The following NXPE2 variants were observed in gnomAD, a reference collection of about 807,000 sequenced individuals.
NXPE2 encodes NXPE family member 2.
A neutral mutation model predicts 34.4 loss-of-function variants in NXPE2; 34 were observed. The observed-to-expected ratio is 0.99, with a 90% CI of 0.75 to 1.31. The LOEUF is 1.31. NXPE2 is among the 40% of genes most tolerant of loss of function. The probability of loss-of-function intolerance (pLI) is 0.00; values close to 1 mark genes in which losing one functional copy is unlikely to be tolerated. For missense variants in NXPE2, 649 were observed against 672.5 expected (o/e 0.97, Z 0.39); for synonymous variants, 235 against 231.3 (o/e 1.02, Z -0.15).
At chr11:114,530,063 C>T in the NXPE2 span, 3 of 1,144,932 alleles carry the variant, frequency 2.6e-6, no homozygotes, top group East Asian at 7.1e-5. Context: ...ACATGTCTTA[C>T]CTTGAGTACA....
At chr11:114,666,934 T>G in the NXPE2 span, among the ~76,000 whole-genome samples, 2 of 152,156 alleles carry the variant, frequency 1.3e-5, no homozygotes, top group Non-Finnish European at 2.9e-5. Context: ...AAAACACCCC[T>G]GCACACATCC....
the NXPE2 span, among the ~76,000 whole-genome samples, chr11:114,478,296 T>C: frequency 6.6e-6 from 1 of 152,188 alleles, no homozygotes; most frequent in African/African-American, 2.4e-5. Flanking sequence ...GGGCACTCTC[T>C]TCCTTGATGT....
the NXPE2 span, chr11:114,559,729 C>T: frequency 6.6e-6 from 1 of 152,178 alleles, no homozygotes; most frequent in Non-Finnish European, 1.5e-5. Context: ...TTGTTCTTCC[C>T]TGCCCTCCAC....
chr11:114,582,376 G>A, the NXPE2 span: 18 of 1,614,132 alleles, frequency 1.1e-5, no homozygotes, highest in South Asian at 1.3e-4. Context: ...CAGGGCATGT[G>A]TTGAGGCCTC....
chr11:114,464,361 T>C, the NXPE2 span, among the ~76,000 whole-genome samples: 1 of 152,172 alleles, frequency 6.6e-6, no homozygotes, highest in Non-Finnish European at 1.5e-5. Context: ...TTTGGCAAGT[T>C]AGTTGAATAT....
chr11:114,523,172 G>A, the NXPE2 span: 1 of 1,010,262 alleles, frequency 9.9e-7, no homozygotes, highest in Non-Finnish European at 1.5e-6. Context: ...TCATTTTCTT[G>A]CTCTCTTTCC....
the NXPE2 span, among the ~76,000 whole-genome samples, chr11:114,666,411 T>C: frequency 6.6e-6 from 1 of 152,130 alleles, no homozygotes; most frequent in Non-Finnish European, 1.5e-5. Context: ...GGGAAATTGA[T>C]TAAAAAATCA....
chr11:114,665,905 C>A, the NXPE2 span, among the ~76,000 whole-genome samples: 3 of 152,148 alleles, frequency 2.0e-5, no homozygotes, highest in African/African-American at 7.2e-5. Context: ...AAATAGTTGT[C>A]TCCATGACAA....
chr11:114,589,107 A>G, the NXPE2 span, among the ~76,000 whole-genome samples: 52 of 152,286 alleles, frequency 3.4e-4, no homozygotes, highest in African/African-American at 1.2e-3. Flanking sequence ...GTGGGAAGTC[A>G]GAGGACTTTA....
chr11:114,648,941 G>T, the NXPE2 span, among the ~76,000 whole-genome samples: 1 of 45,256 alleles, frequency 2.2e-5, no homozygotes, highest in South Asian at 9.1e-4. Context: ...AAGGGGATAA[G>T]AGGAAACAAA....
the NXPE2 span, among the ~76,000 whole-genome samples, chr11:114,794,291 A>AT: frequency 6.1e-3 from 934 of 152,220 alleles, 6 homozygotes; most frequent in Middle Eastern, 0.017. Context: ...CTTGGCTCTC[A>AT]TTCTAGATGA....
chr11:114,533,852 T>A, the NXPE2 span, among the ~76,000 whole-genome samples: 2 of 152,218 alleles, frequency 1.3e-5, no homozygotes, highest in Non-Finnish European at 2.9e-5. Context: ...AGGCTCCACC[T>A]CTGGGGGCAG....
the NXPE2 span, among the ~76,000 whole-genome samples, chr11:114,651,527 G>A: frequency 6.6e-6 from 1 of 152,216 alleles, no homozygotes; most frequent in South Asian, 2.1e-4. Context: ...GCATGGAAGA[G>A]AATCCGAAAA....
the NXPE2 span, among the ~76,000 whole-genome samples, chr11:114,541,741 G>A: frequency 6.6e-6 from 1 of 152,278 alleles, no homozygotes; most frequent in East Asian, 1.9e-4. Flanking sequence ...TTTGTATAAA[G>A]ACCTGAGATT....
the NXPE2 span, among the ~76,000 whole-genome samples, chr11:114,650,921 C>T: frequency 6.6e-6 from 1 of 152,094 alleles, no homozygotes; most frequent in South Asian, 2.1e-4. Flanking sequence ...CCTGGTAATA[C>T]TGGCTAACAG....
At chr11:114,577,086 CATAT>C in the NXPE2 span, among the ~76,000 whole-genome samples, 21 of 118,998 alleles carry the variant, frequency 1.8e-4, 1 homozygote, top group African/African-American at 6.4e-4. Context: ...TATATATATA[CATAT>C]ATATATAAAG....
the NXPE2 span, among the ~76,000 whole-genome samples, chr11:114,754,721 A>G: frequency 1.3e-5 from 2 of 152,262 alleles, no homozygotes; most frequent in African/African-American, 4.8e-5. Context: ...CAGGGGGTAT[A>G]ACTGGTACAT....
At chr11:114,570,081 C>G in the NXPE2 span, among the ~76,000 whole-genome samples, 1 of 152,176 alleles carries the variant, frequency 6.6e-6, no homozygotes, top group Non-Finnish European at 1.5e-5. Flanking sequence ...TTCTGTAACT[C>G]GCTTCCTGCC....
the NXPE2 span, among the ~76,000 whole-genome samples, chr11:114,598,875 G>A: frequency 6.6e-6 from 1 of 152,088 alleles, no homozygotes; most frequent in Non-Finnish European, 1.5e-5. Context: ...TTAACACCCT[G>A]TGGAAGCTAC....
Sources: allele counts gnomAD v4.1 joint callset (sites outside exome capture counted in the v4.1 genomes callset), GRCh38; gene constraint gnomAD v4.1.1; transcripts MANE v1.5; gene names NCBI Gene and HGNC (gene_info 2026-07-23, HGNC 2026-07-21).